The following DHRSX variants were observed in gnomAD, a reference collection of about 807,000 sequenced individuals.
The protein encoded by DHRSX is dehydrogenase/reductase X-linked.
A neutral mutation model predicts 34.0 loss-of-function variants in DHRSX; 31 were observed. The ratio of observed to expected loss-of-function variants is 0.91; its 90% CI spans 0.69 to 1.23. The LOEUF (loss-of-function observed/expected upper bound fraction) is 1.23. Ranked by LOEUF, DHRSX falls within the 50% of genes most tolerant of loss-of-function variation. The pLI, the probability that DHRSX is intolerant of heterozygous loss-of-function variation, is 0.00. For synonymous variants in DHRSX, 201 were observed against 183.8 expected (o/e 1.09, Z -0.76); for missense variants, 414 against 428.1 (o/e 0.97, Z 0.29).
chrX:2,490,941 A>AC (rs1484613765), intron 1 of DHRSX, among the ~76,000 whole-genome samples: 1 of 152,066 alleles, frequency 6.6e-6, no homozygotes, highest in Non-Finnish European at 1.5e-5. Context: ...GGAGGAGGGA[A>AC]CCTAGCGCAG....
chrX:2,399,204 A>G (rs1379235695), intron 3 of DHRSX, among the ~76,000 whole-genome samples: 2 of 152,152 alleles, frequency 1.3e-5, no homozygotes, highest in Non-Finnish European at 2.9e-5. Flanking sequence ...AAACTTTCAG[A>G]GAGTGTGGGA....
At chrX:2,323,742 C>A (rs2042341298) in intron 3 of DHRSX, among the ~76,000 whole-genome samples, 1 of 152,126 alleles carries the variant, frequency 6.6e-6, no homozygotes, top group South Asian at 2.1e-4. Context: ...GCACTCCAGC[C>A]TGGGTGACAG....
chrX:2,292,592 T>TTA (rs2041879713), intron 3 of DHRSX, among the ~76,000 whole-genome samples: 1 of 149,020 alleles, frequency 6.7e-6, no homozygotes, highest in South Asian at 2.1e-4. Flanking sequence ...ATATAGAATT[T>TTA]TATATAATAA....
At chrX:2,483,732 C>G (rs750052153) in intron 1 of DHRSX, among the ~76,000 whole-genome samples, 1 of 148,570 alleles carries the variant, frequency 6.7e-6, no homozygotes, top group East Asian at 2.0e-4. Flanking sequence ...GTTTCTCAAA[C>G]CAGGACAAAT....
chrX:2,305,559 T>C (rs2042088401), intron 3 of DHRSX, among the ~76,000 whole-genome samples: 3 of 152,160 alleles, frequency 2.0e-5, no homozygotes, highest in Admixed American at 1.3e-4. Flanking sequence ...ACTGCAGCAC[T>C]GTTCACAATA....
At chrX:2,298,608 A>ACACACACACGCACACACACACG (rs1569485188) in intron 3 of DHRSX, among the ~76,000 whole-genome samples, 1 of 60,038 alleles carries the variant, frequency 1.7e-5, no homozygotes, top group African/African-American at 4.3e-5. Flanking sequence ...GTGTACACAC[A>ACACACACACGCACACACACACG]CACACACACA....
At chrX:2,489,528 C>T in intron 1 of DHRSX, 1 of 1,613,016 alleles carries the variant, frequency 6.2e-7, no homozygotes, top group Non-Finnish European at 8.5e-7. Context: ...AGGAGCTCCA[C>T]CAGCCCCTCG....
chrX:2,442,523 G>A (rs1007631270), intron 1 of DHRSX, among the ~76,000 whole-genome samples: 2 of 151,760 alleles, frequency 1.3e-5, no homozygotes, highest in African/African-American at 2.4e-5. Context: ...AGCCCAGTAC[G>A]TATGCAACAC....
At chrX:2,299,123 CATTTA>C (rs1421038393) in intron 3 of DHRSX, among the ~76,000 whole-genome samples, 1 of 152,116 alleles carries the variant, frequency 6.6e-6, no homozygotes, top group Non-Finnish European at 1.5e-5. Context: ...CGAGATGCTC[CATTTA>C]ATGCAACAAC....
intron 3 of DHRSX, among the ~76,000 whole-genome samples, chrX:2,347,416 G>T (rs1252732421): frequency 6.6e-6 from 1 of 152,208 alleles, no homozygotes; most frequent in Non-Finnish European, 1.5e-5. Flanking sequence ...ATTTGGGGCC[G>T]GGCGCGGTGG....
chrX:2,500,747 C>T (rs1224385529), intron 1 of DHRSX, 70 bp downstream of exon 1: 6 of 757,968 alleles, frequency 7.9e-6, no homozygotes, highest in African/African-American at 3.9e-5. Context: ...AGCCCCCGCG[C>T]CCCCGCCCCC....
Position 2,299,014 on chromosome X carries a change from A to AAAAAAAAAAT in DHRSX, c.287-7412_287-7411insATTTTTTTTT, listed in dbSNP as rs1191716751. Among the ~76,000 whole-genome samples the AAAAAAAAAAT allele has an allele frequency of 6.1e-5, 8 of 131,574 alleles. 1 individual carries two copies. The highest frequency in any genetic ancestry group is 2.2e-4 in the African/African-American group (7 of 32,402). 86.3% of individuals were successfully genotyped at this position (131,574 alleles called of 152,430 possible). On this transcript the variant is annotated intron_variant, in intron 3 of 6. Transcript: ENST00000334651. ...AAAAAAAAAAAAAAAAAAAAAAAAA[A>AAAAAAAAAAT]TGGGAAAAATGTGGAAGGATTCCTT...
intron 1 of DHRSX, among the ~76,000 whole-genome samples, chrX:2,473,422 G>A (rs2044624767): frequency 6.6e-6 from 1 of 152,068 alleles, no homozygotes; most frequent in South Asian, 2.1e-4. Context: ...TCAGGAGTTC[G>A]AGACCAGCAT....
At chrX:2,340,598 G>C (rs1181761617) in intron 3 of DHRSX, among the ~76,000 whole-genome samples, 1 of 152,066 alleles carries the variant, frequency 6.6e-6, no homozygotes, top group African/African-American at 2.4e-5. Flanking sequence ...CCCACACCTA[G>C]GAAATGACTG....
intron 3 of DHRSX, among the ~76,000 whole-genome samples, chrX:2,355,608 A>G (rs1015228146): frequency 7.9e-5 from 12 of 151,666 alleles, no homozygotes; most frequent in Non-Finnish European, 1.3e-4. Flanking sequence ...ATATATTCAT[A>G]TCAGATAAAA....
chrX:2,464,218 TTAAGACATTCCC>T (rs1267134800), intron 1 of DHRSX, among the ~76,000 whole-genome samples: 2 of 147,516 alleles, frequency 1.4e-5, no homozygotes, highest in African/African-American at 5.1e-5. Flanking sequence ...GTGTACACAC[TTAAGACATTCCC>T]TAAGCACGTG....
intron 1 of DHRSX, among the ~76,000 whole-genome samples, chrX:2,477,903 C>T (rs1374706654): frequency 1.3e-5 from 2 of 152,192 alleles, no homozygotes; most frequent in South Asian, 2.1e-4. Flanking sequence ...GGACACAAGC[C>T]CCTTCCACCC....
intron 1 of DHRSX, among the ~76,000 whole-genome samples, chrX:2,458,340 C>A (rs2044341542): frequency 3.9e-5 from 6 of 152,114 alleles, no homozygotes; most frequent in African/African-American, 1.4e-4. Flanking sequence ...TCGGTGTGTA[C>A]CCAAAGGAAA....
chrX:2,499,873 C>T (rs2045372235), intron 1 of DHRSX, among the ~76,000 whole-genome samples: 1 of 152,130 alleles, frequency 6.6e-6, no homozygotes, highest in South Asian at 2.1e-4. Context: ...AGCAAGACCC[C>T]GTCTACAAAA....
Sources: gnomAD v4.1 joint callset for allele counts (sites outside exome capture counted in the v4.1 genomes callset) on GRCh38, gnomAD v4.1.1 for gene constraint, MANE v1.5 for transcripts, NCBI Gene and HGNC (gene_info 2026-07-23, HGNC 2026-07-21) for gene names.